ARHGAP42: variants seen among roughly 807,000 people sequenced by gnomAD.
ARHGAP42 encodes the protein rho GTPase-activating protein 42.
ARHGAP42 carries 63 observed loss-of-function variants against 125.0 expected under a neutral mutation model. The observed-to-expected ratio is 0.50, with a 90% CI of 0.41 to 0.62. The LOEUF (loss-of-function observed/expected upper bound fraction) is 0.62. Among genes scored for constraint, ARHGAP42 ranks in the 20% least tolerant of loss-of-function variants. The pLI is 0.00. For missense variants in ARHGAP42, 766 were observed against 1,024.2 expected (o/e 0.75, Z 3.44); for synonymous variants, 339 against 351.0 (o/e 0.97, Z 0.38).
intron 1 of ARHGAP42, among the ~76,000 whole-genome samples, chr11:100,707,775 G>A (rs1485582291): frequency 2.0e-5 from 3 of 152,148 alleles, no homozygotes; most frequent in Non-Finnish European, 4.4e-5. Context: ...TGTTTTCCTG[G>A]GTTTACATGA....
At chr11:100,903,130 C>CACACACACACACACACACACACAG (rs1866603152) in intron 4 of ARHGAP42, among the ~76,000 whole-genome samples, 1 of 151,244 alleles carries the variant, frequency 6.6e-6, no homozygotes, top group South Asian at 2.1e-4. Context: ...CACACACACA[C>CACACACACACACACACACACACAG]ACACACACAC....
intron 4 of ARHGAP42, among the ~76,000 whole-genome samples, chr11:100,872,295 G>A (rs764173237): frequency 6.6e-6 from 1 of 152,100 alleles, no homozygotes; most frequent in East Asian, 1.9e-4. Context: ...AGCCCCTTAA[G>A]GAACAGCTTT....
At chr11:100,914,757 T>C (rs543479068) in intron 5 of ARHGAP42, among the ~76,000 whole-genome samples, 21 of 152,264 alleles carry the variant, frequency 1.4e-4, no homozygotes, top group Non-Finnish European at 2.5e-4. Context: ...GAAAACCTCC[T>C]CCCTTCCTGA....
In ARHGAP42 at chr11:100,992,596, G is replaced by A; in HGVS notation, c.*3795G>A. 1 of 1,614,074 alleles carries A rather than the reference G, an allele frequency of 6.2e-7. No homozygotes were observed. The highest frequency in any genetic ancestry group is 8.5e-7 in the Non-Finnish European group (1 of 1,179,976). ...ATTCATCAACTGGTCTCAATTTCCT[G>A]AACACATTCACTGTATCCCTCATTG... On this transcript the variant is annotated 3_prime_UTR_variant, in exon 24 of 24. Coordinates refer to ENST00000298815, the MANE Select transcript of ARHGAP42 (RefSeq NM_152432.4).
In ARHGAP42 at chr11:100,898,771, G is replaced by A. The variant is rs1428708293; in HGVS notation, c.385-14681G>A. 2.6e-5 allele frequency among the ~76,000 whole-genome samples: 4 copies of A among 151,952 alleles called. No individual in the cohort carries two copies. In the East Asian group the frequency reaches 5.8e-4, roughly 22 times the overall value. On this transcript the variant is annotated intron_variant, in intron 4 of 23. Transcript: ENST00000298815. ...GTCTTGCTAGTGGTCTATCAATTTT[G>A]TTGATCTTTTCAAAAAACCAGCTCC...
At position 100,976,349 on chromosome 11, in the gene ARHGAP42, C is replaced by T; in HGVS notation, c.2148C>T (p.Pro716=). 1.9e-6 allele frequency: 3 copies of T among 1,551,592 alleles called. No individual in the cohort carries two copies. The highest frequency in any genetic ancestry group is 2.6e-6 in the Non-Finnish European group (3 of 1,146,752). Reference sequence around the variant, plus strand: ...CTAGCCCAGGAGACGTTTCCCCACCCATAGACCTAGTCAAGAAAGAGCCTT... The same window carrying T: ...CTAGCCCAGGAGACGTTTCCCCACCTATAGACCTAGTCAAGAAAGAGCCTT... ...SVTSPGDVSP[P]IDLVKKEPYG... Residue 716 remains proline (P), a synonymous_variant, in exon 20 of 24, where the codon CCC becomes CCT. Coordinates refer to ENST00000298815, the MANE Select transcript of ARHGAP42 (RefSeq NM_152432.4).
rs190015136 is a variant in ARHGAP42, at chr11:100,816,449, G to A, written c.312+21283G>A. Among the ~76,000 whole-genome samples the A allele has an allele frequency of 1.2e-3, 187 of 152,202 alleles. 1 individual carries two copies. Among genetic ancestry groups the A allele is most frequent in the Admixed American group, 9.4e-3 (143 of 15,274 alleles). On this transcript the variant is annotated intron_variant, in intron 3 of 23. Coordinates refer to ENST00000298815, the MANE Select transcript of ARHGAP42 (RefSeq NM_152432.4). ...TGAATTCACACGGTTAACAGAGAGT[G>A]AATATTTTAAAGTAATAGGAAGCAT... is the stretch of plus-strand genomic sequence containing the variant.
chr11:100,979,524 T>G (rs567240427), intron 22 of ARHGAP42, among the ~76,000 whole-genome samples: 1 of 152,292 alleles, frequency 6.6e-6, no homozygotes, highest in South Asian at 2.1e-4. Flanking sequence ...GTTCTCAGAT[T>G]TTACATTCCA....
At chr11:100,972,317 A>C (rs1858269400) in intron 17 of ARHGAP42, among the ~76,000 whole-genome samples, 1 of 152,214 alleles carries the variant, frequency 6.6e-6, no homozygotes, top group Admixed American at 6.5e-5. Flanking sequence ...GTATCCTCTA[A>C]AGAATGTATC....
chr11:100,811,929 T>A (rs969341770), intron 3 of ARHGAP42, among the ~76,000 whole-genome samples: 2 of 152,208 alleles, frequency 1.3e-5, no homozygotes, highest in Non-Finnish European at 2.9e-5. Context: ...TGATTTCTTT[T>A]CAATTTCTTT....
intron 1 of ARHGAP42, among the ~76,000 whole-genome samples, chr11:100,728,713 CGTATATATAT>C (rs1200806426): frequency 0.06 from 5,718 of 95,174 alleles, 358 homozygotes; most frequent in African/African-American, 0.09. Flanking sequence ...AATGACTTTG[CGTATATATAT>C]ATATATATAT....
chr11:100,906,081 A>C (rs765333823), intron 4 of ARHGAP42, among the ~76,000 whole-genome samples: 1 of 152,138 alleles, frequency 6.6e-6, no homozygotes, highest in Non-Finnish European at 1.5e-5. Context: ...TTGTCCATCT[A>C]ATTTTCTGGA....
intron 4 of ARHGAP42, among the ~76,000 whole-genome samples, chr11:100,866,942 T>C (rs1865582885): frequency 6.6e-6 from 1 of 152,214 alleles, no homozygotes; most frequent in Non-Finnish European, 1.5e-5. Flanking sequence ...AACATTAATC[T>C]ACTTGTACAT....
intron 4 of ARHGAP42, among the ~76,000 whole-genome samples, chr11:100,871,985 C>A (rs747162684): frequency 6.6e-6 from 1 of 152,130 alleles, no homozygotes. Flanking sequence ...TCGGGTGATC[C>A]GCCCACCTCA....
chr11:100,738,208 T>C (rs920127046), intron 1 of ARHGAP42, among the ~76,000 whole-genome samples: 1 of 152,240 alleles, frequency 6.6e-6, no homozygotes, highest in Non-Finnish European at 1.5e-5. Context: ...GTTAAAATTA[T>C]TACAATGCTT....
chr11:100,952,310 C>G (rs505405), intron 12 of ARHGAP42, among the ~76,000 whole-genome samples: 134,205 of 152,124 alleles, frequency 0.88, 59,290 homozygotes, highest in East Asian at 1. Flanking sequence ...ATTTTATTCT[C>G]TCAAAGTCAC....
At chr11:100,966,265 C>T (rs943160032) in intron 17 of ARHGAP42, among the ~76,000 whole-genome samples, 1 of 152,098 alleles carries the variant, frequency 6.6e-6, no homozygotes, top group Non-Finnish European at 1.5e-5. Flanking sequence ...TACCATCTCT[C>T]TTTGTAGATA....
At chr11:100,719,479 C>G (rs1206499100) in intron 1 of ARHGAP42, among the ~76,000 whole-genome samples, 2 of 152,186 alleles carry the variant, frequency 1.3e-5, no homozygotes, top group South Asian at 2.1e-4. Flanking sequence ...TAGGAGCCAG[C>G]AGCTGGCCTT....
chr11:100,703,386 T>C (rs1292395634), intron 1 of ARHGAP42, among the ~76,000 whole-genome samples: 2 of 152,236 alleles, frequency 1.3e-5, no homozygotes, highest in Admixed American at 1.3e-4. Context: ...TATGAAGATG[T>C]AGCATTTTTT....
Sources: gnomAD v4.1 joint callset for allele counts (sites outside exome capture counted in the v4.1 genomes callset) on GRCh38, gnomAD v4.1.1 for gene constraint, MANE v1.5 for transcripts, NCBI Gene and HGNC (gene_info 2026-07-23, HGNC 2026-07-21) for gene names.